Variants in OSBPL9 observed in about 807,000 individuals in gnomAD.
OSBPL9 encodes oxysterol binding protein like 9.
Under a neutral mutation model 106.6 loss-of-function variants are expected in OSBPL9, and 40 were observed. That is an observed-to-expected ratio of 0.38 (90% CI 0.29 to 0.49). OSBPL9 has a LOEUF of 0.49. Ranked by LOEUF, OSBPL9 falls within the 20% of genes least tolerant of loss-of-function variation. The pLI is 0.97. For synonymous variants in OSBPL9, 269 were observed against 295.4 expected, an observed-to-expected ratio of 0.91 and a Z score of 0.92; for missense variants, 609 against 887.2, an observed-to-expected ratio of 0.69 and a Z score of 3.98.
At chr1:51,755,668 G>A (rs915540533) in intron 8 of OSBPL9, among the ~76,000 whole-genome samples, 6 of 152,204 alleles carry the variant, frequency 3.9e-5, no homozygotes, top group African/African-American at 1.4e-4. Flanking sequence ...CCCAACTGTA[G>A]GCTAATGTAA....
At chr1:51,696,631 A>G (rs1376551782) in intron 3 of OSBPL9, among the ~76,000 whole-genome samples, 3 of 152,186 alleles carry the variant, frequency 2.0e-5, no homozygotes, top group African/African-American at 7.2e-5. Flanking sequence ...ATTTTGCTCT[A>G]CTATAACTTA....
At chr1:51,572,181 T>C (rs995939204), upstream of OSBPL9, among the ~76,000 whole-genome samples, 4 of 152,146 alleles carry the variant, frequency 2.6e-5, no homozygotes, top group Non-Finnish European at 5.9e-5. Context: ...GAAAATGAGA[T>C]TCATAACAGT....
In OSBPL9 at chr1:51,750,172, A is replaced by G. The variant is rs1668940332; in HGVS notation, c.520A>G (p.Ile174Val). The stretch of plus-strand genomic sequence containing the variant: ...CATGGTAGAATCAATTAAACACTGC[A>G]TTGTGTTGCTGCAGATTGCCAAAGT... Reference protein sequence around the residue: ...NSMVESIKHCIVLLQIAKDQS... With the variant: ...NSMVESIKHCVVLLQIAKDQS... The change falls in exon 8 of 24, where the codon ATT (isoleucine) becomes GTT (valine). Residue 174 changes from isoleucine (I) to valine (V), a missense_variant. Physicochemically the swap from Ile to Val is conservative, Grantham distance 29. Coordinates refer to ENST00000428468, the MANE Select transcript of OSBPL9 (RefSeq NM_024586.6). 6.2e-7 allele frequency: 1 copy of G among 1,608,298 alleles called. No individual in the cohort carries two copies. The highest frequency in any genetic ancestry group is 8.5e-7 in the Non-Finnish European group (1 of 1,177,592).
intron 11 of OSBPL9, among the ~76,000 whole-genome samples, chr1:51,764,145 C>G (rs1026046008): frequency 6.6e-6 from 1 of 151,934 alleles, no homozygotes; most frequent in Non-Finnish European, 1.5e-5. Flanking sequence ...CTTGTTAATA[C>G]AAAAAAGAAA....
At chr1:51,688,840 A>G (rs953470531) in intron 3 of OSBPL9, among the ~76,000 whole-genome samples, 1 of 152,134 alleles carries the variant, frequency 6.6e-6, no homozygotes, top group Non-Finnish European at 1.5e-5. Context: ...CTGAGTTTAT[A>G]TTGCAGCCTT....
chr1:51,733,277 A>G (rs186598525), intron 4 of OSBPL9, among the ~76,000 whole-genome samples: 80 of 152,322 alleles, frequency 5.3e-4, no homozygotes, highest in Middle Eastern at 3.4e-3. Context: ...AGTTTAGTGC[A>G]TGGCACATAG....
At chr1:51,765,136 A>G (rs1379834339) in intron 11 of OSBPL9, among the ~76,000 whole-genome samples, 1 of 152,188 alleles carries the variant, frequency 6.6e-6, no homozygotes, top group Non-Finnish European at 1.5e-5. Flanking sequence ...CAGAGATTAG[A>G]TGGCAGGCTT....
At chr1:51,724,500 G>T (rs1662753582) in intron 4 of OSBPL9, among the ~76,000 whole-genome samples, 1 of 151,924 alleles carries the variant, frequency 6.6e-6, no homozygotes, top group Non-Finnish European at 1.5e-5. Context: ...TGGCCAGGCT[G>T]GTCTCGAACT....
chr1:51,621,419 A>G (rs1263096402), intron 1 of OSBPL9, among the ~76,000 whole-genome samples: 1 of 151,962 alleles, frequency 6.6e-6, no homozygotes, highest in Non-Finnish European at 1.5e-5. Context: ...TTCAAGGAGA[A>G]TCACTTGAAC....
intron 5 of OSBPL9, 128 bp downstream of exon 5, chr1:51,745,759 A>T: frequency 6.1e-6 from 7 of 1,146,680 alleles, no homozygotes; most frequent in Non-Finnish European, 8.0e-6. Context: ...TTTTTAAAGC[A>T]GACTTAAAAG....
intron 4 of OSBPL9, among the ~76,000 whole-genome samples, chr1:51,720,096 A>G (rs1017599133): frequency 1.7e-4 from 26 of 152,190 alleles, no homozygotes; most frequent in African/African-American, 6.0e-4. Flanking sequence ...TTCTATGACA[A>G]GTAGTATGTT....
intron 2 of OSBPL9, among the ~76,000 whole-genome samples, chr1:51,609,263 G>A (rs1643969100): frequency 1.3e-5 from 2 of 150,972 alleles, no homozygotes; most frequent in Non-Finnish European, 2.9e-5. Context: ...CTGTCCTCTA[G>A]GGTTCCATCC....
At chr1:51,669,274 T>A (rs896336848) in intron 2 of OSBPL9, among the ~76,000 whole-genome samples, 160 bp from the exon 3 acceptor site, 1 of 152,230 alleles carries the variant, frequency 6.6e-6, no homozygotes, top group African/African-American at 2.4e-5. Flanking sequence ...TCTCCTTTAG[T>A]TCTTTCTCCT....
intron 6 of OSBPL9, among the ~76,000 whole-genome samples, chr1:51,747,014 G>A (rs904693971): frequency 1.3e-5 from 2 of 152,160 alleles, no homozygotes; most frequent in Non-Finnish European, 2.9e-5. Context: ...CTGTTGCCCA[G>A]GCTGGAGTGC....
the OSBPL9 span, among the ~76,000 whole-genome samples, chr1:51,556,734 A>G: frequency 3.3e-5 from 5 of 151,570 alleles, no homozygotes; most frequent in African/African-American, 1.2e-4. Context: ...TGCAGTGAGC[A>G]GAGATCTTAC....
chr1:51,597,329 T>C (rs1019325345), intron 1 of OSBPL9, among the ~76,000 whole-genome samples: 2 of 151,892 alleles, frequency 1.3e-5, no homozygotes, highest in Non-Finnish European at 2.9e-5. Flanking sequence ...GGGATGTCGG[T>C]GTATAATCAA....
At chr1:51,672,779 G>A (rs1468073221) in intron 3 of OSBPL9, among the ~76,000 whole-genome samples, 1 of 152,184 alleles carries the variant, frequency 6.6e-6, no homozygotes, top group Non-Finnish European at 1.5e-5. Context: ...TAACAAGAAT[G>A]GAGTTGCCAT....
At chr1:51,605,910 G>A (rs1486928462) in intron 2 of OSBPL9, among the ~76,000 whole-genome samples, 1 of 152,030 alleles carries the variant, frequency 6.6e-6, no homozygotes, top group Non-Finnish European at 1.5e-5. Context: ...AACCTGGGAG[G>A]TGGAGGTTGC....
upstream of OSBPL9, among the ~76,000 whole-genome samples, chr1:51,574,941 T>G (rs1340696560): frequency 6.6e-6 from 1 of 152,220 alleles, no homozygotes; most frequent in Admixed American, 6.5e-5. Context: ...TAAATTTGTT[T>G]TGCTTTGGCA....
Sources: allele counts gnomAD v4.1 joint callset (sites outside exome capture counted in the v4.1 genomes callset), GRCh38; gene constraint gnomAD v4.1.1; transcripts MANE v1.5; gene names NCBI Gene and HGNC (gene_info 2026-07-23, HGNC 2026-07-21).